PRKN: variants seen among roughly 807,000 people sequenced by gnomAD.
PRKN encodes E3 ubiquitin-protein ligase parkin.
In PRKN, 56 loss-of-function variants were observed where a neutral mutation model predicts 59.5. The ratio of observed to expected loss-of-function variants is 0.94; its 90% CI spans 0.76 to 1.18. The LOEUF (loss-of-function observed/expected upper bound fraction) is 1.18, where lower values mean the gene tolerates loss of function less well. PRKN is among the 50% of genes most tolerant of loss of function. The pLI is 0.00. For synonymous variants in PRKN, 250 were observed against 222.1 expected, an observed-to-expected ratio of 1.13 and a Z score of -1.12; for missense variants, 657 against 596.4, an observed-to-expected ratio of 1.10 and a Z score of -1.06.
At chr6:162,417,329 G>A (rs1365075457) in intron 2 of PRKN, among the ~76,000 whole-genome samples, 1 of 152,124 alleles carries the variant, frequency 6.6e-6, no homozygotes, top group Non-Finnish European at 1.5e-5. Flanking sequence ...GCCACGCGTT[G>A]ACTGTGAGCT....
chr6:162,417,988 C>T (rs770272037), intron 2 of PRKN, among the ~76,000 whole-genome samples: 6 of 152,162 alleles, frequency 3.9e-5, no homozygotes, highest in Non-Finnish European at 7.3e-5. Context: ...CCACATGACC[C>T]GGCAATTCTA....
At chr6:162,066,150 T>A (rs1778327679) in intron 4 of PRKN, among the ~76,000 whole-genome samples, 1 of 152,176 alleles carries the variant, frequency 6.6e-6, no homozygotes, top group South Asian at 2.1e-4. Flanking sequence ...CGCCACACTG[T>A]CTTCCACAAT....
chr6:161,989,269 T>C (rs1781553612), intron 5 of PRKN, among the ~76,000 whole-genome samples: 1 of 108,936 alleles, frequency 9.2e-6, no homozygotes, highest in South Asian at 2.9e-4. Context: ...TGCCTGGAAA[T>C]ATATATATAC....
intron 3 of PRKN, among the ~76,000 whole-genome samples, chr6:162,221,809 G>A (rs1777946833): frequency 6.6e-6 from 1 of 152,152 alleles, no homozygotes; most frequent in African/African-American, 2.4e-5. Flanking sequence ...AAAAATGTCA[G>A]ATGATAAATC....
At chr6:161,983,707 G>A (rs1450626873) in intron 5 of PRKN, among the ~76,000 whole-genome samples, 1 of 80,744 alleles carries the variant, frequency 1.2e-5, no homozygotes, top group Non-Finnish European at 2.4e-5. Context: ...ATTGAACAAT[G>A]AGATCACATG....
rs1380197240 is a variant in PRKN at position 161,533,672 on chromosome 6, G to T, written c.1083+15182C>A. On this transcript the variant is annotated intron_variant, in intron 9 of 11. Transcript: ENST00000366898. The surrounding 1 kb of genome is among the most constrained non-coding windows in gnomAD (Gnocchi z 4.1). ...AATCAGACACTGCCTCCTCAAGCCT[G>T]CCTATAAAATCTGCTGGGATCTGCC... is the stretch of plus-strand genomic sequence containing the variant. Among the ~76,000 whole-genome samples the T allele has an allele frequency of 6.6e-6, 1 of 152,040 alleles. No homozygotes were observed.
At chr6:161,449,558 TAAGTC>T (rs1341344351) in intron 9 of PRKN, among the ~76,000 whole-genome samples, 1 of 152,178 alleles carries the variant, frequency 6.6e-6, no homozygotes, top group African/African-American at 2.4e-5. Flanking sequence ...ATGGAAATCT[TAAGTC>T]AAAGCAACAA....
At chr6:161,900,735 CAT>C (rs1483956265) in intron 6 of PRKN, among the ~76,000 whole-genome samples, 13 of 75,236 alleles carry the variant, frequency 1.7e-4, no homozygotes, top group South Asian at 5.6e-4. Context: ...TTATGTATAA[CAT>C]ATATTTATGT....
rs963227840 is a variant in PRKN, at chr6:161,393,064, G to A, written c.1084-6187C>T. 3.3e-5 allele frequency among the ~76,000 whole-genome samples: 5 copies of A among 152,038 alleles called. No individual in the cohort carries two copies. The highest frequency in any genetic ancestry group is 9.7e-5 in the African/African-American group (4 of 41,318). On this transcript the variant is annotated intron_variant, in intron 9 of 11. Coordinates refer to ENST00000366898, the MANE Select transcript of PRKN (RefSeq NM_004562.3). This position sits in a 1 kb window ranked among gnomAD's most constrained non-coding sequence, Gnocchi z 4.7. Reference sequence around the variant, plus strand: ...GAGACCCGGAGTCTGAGGCCTCTTGGATCATTTATTATCTGTGTGATCCCA... The same window carrying A: ...GAGACCCGGAGTCTGAGGCCTCTTGAATCATTTATTATCTGTGTGATCCCA...
intron 7 of PRKN, among the ~76,000 whole-genome samples, chr6:161,572,291 TGAG>T (rs1372553478): frequency 1.3e-5 from 2 of 152,206 alleles, no homozygotes; most frequent in Admixed American, 6.5e-5. Context: ...AAATGTTTAC[TGAG>T]TAGTACAAAA....
At chr6:161,724,642 A>G (rs1234677369) in intron 7 of PRKN, among the ~76,000 whole-genome samples, 1 of 152,190 alleles carries the variant, frequency 6.6e-6, no homozygotes, top group East Asian at 1.9e-4. Flanking sequence ...AAAATGCTAC[A>G]TTTTGTTTTT....
At chr6:162,291,509 T>C (rs1421436892) in intron 2 of PRKN, among the ~76,000 whole-genome samples, 1 of 152,048 alleles carries the variant, frequency 6.6e-6, no homozygotes, top group Non-Finnish European at 1.5e-5. Context: ...CCAGTATCCC[T>C]CCAGCACTTC....
chr6:161,528,989 G>A (rs1282028498), intron 9 of PRKN, among the ~76,000 whole-genome samples: 2 of 152,142 alleles, frequency 1.3e-5, no homozygotes, highest in Admixed American at 6.5e-5. Flanking sequence ...CAGGAATCCT[G>A]CTTTGTTTTA....
At chr6:161,613,495 G>A (rs569052880) in intron 7 of PRKN, among the ~76,000 whole-genome samples, 2 of 152,268 alleles carry the variant, frequency 1.3e-5, no homozygotes, top group East Asian at 1.9e-4. Context: ...AAGTTTGAGA[G>A]GATCGACTCC....
chr6:161,373,868 C>T lies in PRKN; in HGVS notation c.1167+12926G>A, dbSNP rs150262399. Among the ~76,000 whole-genome samples the T allele has an allele frequency of 2.9e-3, 438 of 152,282 alleles. 1 individual carries two copies. The highest frequency in any genetic ancestry group is 5.8e-3 in the Admixed American group (89 of 15,294). Reference sequence around the variant, plus strand: ...GCTGTTAGCTTTTCAAATCTGCACACCTCTCAGAAATGCTCCTCCTGGGGA... The same window carrying T: ...GCTGTTAGCTTTTCAAATCTGCACATCTCTCAGAAATGCTCCTCCTGGGGA... On this transcript the variant is annotated intron_variant, in intron 10 of 11. Transcript: ENST00000366898. This position sits in a 1 kb window ranked among gnomAD's most constrained non-coding sequence, Gnocchi z 4.8.
At chr6:162,423,595 A>C (rs1789083482) in intron 2 of PRKN, among the ~76,000 whole-genome samples, 1 of 152,120 alleles carries the variant, frequency 6.6e-6, no homozygotes, top group Non-Finnish European at 1.5e-5. Context: ...TGTGATGCAA[A>C]TGTCAGTATC....
chr6:162,564,509 C>T (rs946808881), intron 1 of PRKN, among the ~76,000 whole-genome samples: 5 of 152,098 alleles, frequency 3.3e-5, no homozygotes, highest in African/African-American at 1.2e-4. Context: ...GGTTACAGAA[C>T]ACCAAGGAGA....
chr6:161,951,394 C>G (rs562580254), intron 6 of PRKN, among the ~76,000 whole-genome samples: 91 of 152,254 alleles, frequency 6.0e-4, no homozygotes, highest in African/African-American at 2.2e-3. Context: ...ACCTTCTTCT[C>G]TCTTTAGCCA....
chr6:161,702,293 G>C lies in PRKN; in HGVS notation c.871+83479C>G, dbSNP rs147700354. Among the ~76,000 whole-genome samples the C allele has an allele frequency of 1.4e-3, 209 of 152,290 alleles. 6 individuals are homozygous for C. In the East Asian group the frequency reaches 0.029, roughly 21 times the overall value. ...ATGCAAGGTGGAAGCAACAAGCCAA[G>C]TGTTCACTGATGAATGACTGGATCT... On this transcript the variant is annotated intron_variant, in intron 7 of 11. Coordinates refer to ENST00000366898, the MANE Select transcript of PRKN (RefSeq NM_004562.3).
Sources: gnomAD v4.1 joint callset for allele counts (sites outside exome capture counted in the v4.1 genomes callset) on GRCh38, gnomAD v4.1.1 for gene constraint, Gnocchi (gnomAD v3.1) non-coding constraint, MANE v1.5 for transcripts, NCBI Gene and HGNC (gene_info 2026-07-23, HGNC 2026-07-21) for gene names.